ZNF423: variants seen among roughly 807,000 people sequenced by gnomAD.
ZNF423 encodes zinc finger protein 423.
In ZNF423, 12 loss-of-function variants were observed where a neutral mutation model predicts 95.8. The observed-to-expected ratio is 0.13, with a 90% CI of 0.08 to 0.20. The LOEUF (loss-of-function observed/expected upper bound fraction) is 0.20, where lower values mean the gene tolerates loss of function less well. Among genes scored for constraint, ZNF423 ranks in the 10% least tolerant of loss-of-function variants. The probability of loss-of-function intolerance (pLI) is 1.00; values close to 1 mark genes in which losing one functional copy is unlikely to be tolerated. For synonymous variants in ZNF423, 749 were observed against 711.9 expected (o/e 1.05, Z -0.83); for missense variants, 1,316 against 1,737.1 (o/e 0.76, Z 4.31).
At chr16:49,522,912 A>G (rs1968458999) in intron 7 of ZNF423, among the ~76,000 whole-genome samples, 1 of 152,158 alleles carries the variant, frequency 6.6e-6, no homozygotes, top group Non-Finnish European at 1.5e-5. Context: ...AGTGGGAGAG[A>G]AAGCAGTTTC....
At chr16:49,529,588 C>G (rs2151717047) in intron 5 of ZNF423, among the ~76,000 whole-genome samples, 1 of 152,062 alleles carries the variant, frequency 6.6e-6, no homozygotes, top group African/African-American at 2.4e-5. Flanking sequence ...CCTGTAATGT[C>G]CCTGGTACCG....
intron 2 of ZNF423, among the ~76,000 whole-genome samples, chr16:49,788,028 G>A (rs1245935830): frequency 1.3e-5 from 2 of 152,222 alleles, no homozygotes; most frequent in Non-Finnish European, 2.9e-5. Flanking sequence ...CACACGGGGG[G>A]CTACACAGCC....
chr16:49,777,802 C>G (rs1169138112), intron 2 of ZNF423, among the ~76,000 whole-genome samples: 1 of 152,162 alleles, frequency 6.6e-6, no homozygotes, highest in Non-Finnish European at 1.5e-5. Context: ...GTTAACAAGG[C>G]TTAAATGAGA....
At chr16:49,684,745 G>C (rs530347912) in intron 3 of ZNF423, among the ~76,000 whole-genome samples, 1 of 152,184 alleles carries the variant, frequency 6.6e-6, no homozygotes, top group Non-Finnish European at 1.5e-5. Flanking sequence ...CCCTCAGCTT[G>C]AGCCCTGGGC....
chr16:49,820,535 A>C (rs989325894), intron 1 of ZNF423, among the ~76,000 whole-genome samples: 1 of 152,216 alleles, frequency 6.6e-6, no homozygotes, highest in Non-Finnish European at 1.5e-5. Context: ...TTTTTTAATA[A>C]GGAGAAATAA....
chr16:49,560,602 T>C (rs893117303), intron 5 of ZNF423, among the ~76,000 whole-genome samples: 5 of 152,188 alleles, frequency 3.3e-5, no homozygotes, highest in African/African-American at 1.2e-4. Context: ...GGAAGGAATA[T>C]GAATGTGGTG....
At chr16:49,590,295 A>C (rs1449560541) in intron 5 of ZNF423, among the ~76,000 whole-genome samples, 1 of 152,030 alleles carries the variant, frequency 6.6e-6, no homozygotes, top group Non-Finnish European at 1.5e-5. Flanking sequence ...TGACCCGGGC[A>C]TGCTGCACAG....
intron 3 of ZNF423, among the ~76,000 whole-genome samples, chr16:49,677,548 T>C (rs1026850121): frequency 6.6e-6 from 1 of 151,994 alleles, no homozygotes; most frequent in African/African-American, 2.4e-5. Flanking sequence ...CTCAGCACTT[T>C]GGGAGGCAGG....
chr16:49,567,872 C>G (rs1332931177), intron 5 of ZNF423, among the ~76,000 whole-genome samples: 3 of 152,208 alleles, frequency 2.0e-5, no homozygotes, highest in Non-Finnish European at 4.4e-5. Flanking sequence ...TCATTCCACT[C>G]ATTCCTGGAG....
At chr16:49,656,946 T>C (rs186612132) in intron 3 of ZNF423, among the ~76,000 whole-genome samples, 31 of 152,338 alleles carry the variant, frequency 2.0e-4, no homozygotes, top group African/African-American at 7.0e-4. Context: ...TAGCAGGGCT[T>C]TGAACATGGA....
At chr16:49,775,982 A>G (rs1256410726) in intron 2 of ZNF423, among the ~76,000 whole-genome samples, 2 of 152,254 alleles carry the variant, frequency 1.3e-5, no homozygotes, top group Non-Finnish European at 2.9e-5. Context: ...GAATTAATTA[A>G]TAAGCCATGA....
intron 5 of ZNF423, among the ~76,000 whole-genome samples, chr16:49,583,275 T>C (rs1016012328): frequency 2.2e-4 from 33 of 152,162 alleles, no homozygotes; most frequent in African/African-American, 7.5e-4. Context: ...GATGAAAGAA[T>C]AGCAAGAACA....
At chr16:49,823,660 A>G (rs994519789) in intron 1 of ZNF423, among the ~76,000 whole-genome samples, 9 of 152,150 alleles carry the variant, frequency 5.9e-5, no homozygotes, top group Non-Finnish European at 1.2e-4. Context: ...AAAAAAAAGG[A>G]GAAGAAGGAG....
intron 7 of ZNF423, among the ~76,000 whole-genome samples, chr16:49,491,778 G>A (rs367709706): frequency 7.2e-5 from 11 of 152,228 alleles, no homozygotes; most frequent in African/African-American, 2.7e-4. Context: ...GGAGACAGCA[G>A]ATGTGCTGTG....
chr16:49,724,825 G>C (rs914865689), intron 3 of ZNF423, among the ~76,000 whole-genome samples: 4 of 152,210 alleles, frequency 2.6e-5, no homozygotes, highest in African/African-American at 9.6e-5. Flanking sequence ...TTTGGTCCCA[G>C]TCCTCAAGAA....
chr16:49,818,752 T>C (rs2034894215), intron 1 of ZNF423, among the ~76,000 whole-genome samples: 2 of 151,988 alleles, frequency 1.3e-5, no homozygotes, highest in South Asian at 2.1e-4. Flanking sequence ...CTGAGTGTGA[T>C]GGTGAACGCC....
intron 3 of ZNF423, among the ~76,000 whole-genome samples, chr16:49,675,568 C>A (rs1400035639): frequency 1.3e-5 from 2 of 152,122 alleles, no homozygotes; most frequent in Non-Finnish European, 2.9e-5. Context: ...ACCCCACCCC[C>A]CTCCAGCTGC....
intron 5 of ZNF423, among the ~76,000 whole-genome samples, chr16:49,597,851 T>C (rs1254905053): frequency 6.6e-6 from 1 of 152,164 alleles, no homozygotes; most frequent in African/African-American, 2.4e-5. Context: ...CAAATACCAT[T>C]ATGAAGAGGG....
chr16:49,690,212 C>T (rs2031726043), intron 3 of ZNF423, among the ~76,000 whole-genome samples: 1 of 152,196 alleles, frequency 6.6e-6, no homozygotes, highest in Non-Finnish European at 1.5e-5. Flanking sequence ...TAAACTGTGG[C>T]TCACAAATAC....
Sources: allele counts gnomAD v4.1 joint callset (sites outside exome capture counted in the v4.1 genomes callset), GRCh38; gene constraint gnomAD v4.1.1; transcripts MANE v1.5; gene names NCBI Gene and HGNC (gene_info 2026-07-23, HGNC 2026-07-21).